The following IQCM variants were observed in gnomAD, a reference collection of about 807,000 sequenced individuals.
IQCM encodes IQ domain-containing protein M.
IQCM carries 45 observed loss-of-function variants against 57.6 expected under a neutral mutation model. The ratio of observed to expected loss-of-function variants is 0.78; its 90% CI spans 0.62 to 1.00. The LOEUF is 1.00. Ranked by LOEUF, IQCM falls within the 50% of genes least tolerant of loss-of-function variation. The pLI is 0.00. For synonymous variants in IQCM, 148 were observed against 158.9 expected, an observed-to-expected ratio of 0.93 and a Z score of 0.51; for missense variants, 468 against 511.6, an observed-to-expected ratio of 0.91 and a Z score of 0.82.
intron 12 of IQCM, among the ~76,000 whole-genome samples, chr4:149,478,447 T>A (rs1028997057): frequency 8.5e-5 from 13 of 152,136 alleles, no homozygotes; most frequent in African/African-American, 3.1e-4. Context: ...GATGCATGGG[T>A]CACTAACTCG....
At chr4:149,577,507 T>C (rs1194221316) in intron 9 of IQCM, among the ~76,000 whole-genome samples, 1 of 152,014 alleles carries the variant, frequency 6.6e-6, no homozygotes, top group Admixed American at 6.6e-5. Flanking sequence ...CCATTGCTTG[T>C]TATTGTTGGC....
intron 3 of IQCM, among the ~76,000 whole-genome samples, chr4:149,741,835 T>C (rs971878829): frequency 2.6e-4 from 40 of 152,292 alleles, no homozygotes; most frequent in Admixed American, 2.4e-3. Flanking sequence ...GAAAAAAAGC[T>C]AACTATGTGA....
chr4:149,566,666 T>A lies in IQCM; in HGVS notation c.750-2776A>T, dbSNP rs192145503. ...TAAAAAATAAGAAGAAATACAAGCA[T>A]GTTTACAAAATGATGAATGTGATTT... On this transcript the variant is annotated intron_variant, in intron 9 of 13. Coordinates refer to ENST00000636793, the MANE Select transcript of IQCM (RefSeq NM_001363507.2). Among the ~76,000 whole-genome samples, 8 of 152,276 alleles carry A rather than the reference T, an allele frequency of 5.3e-5. No homozygotes were observed. The East Asian group carries it at 1.5e-3, about 29-fold the overall frequency.
At chr4:149,618,643 G>GA (rs374492875) in intron 8 of IQCM, among the ~76,000 whole-genome samples, 15 of 149,928 alleles carry the variant, frequency 1.0e-4, no homozygotes, top group Middle Eastern at 3.4e-3. Flanking sequence ...ATGCAAACAA[G>GA]AAAAAAAAAT....
chr4:149,732,446 T>C (rs1352580259), intron 5 of IQCM, among the ~76,000 whole-genome samples: 1 of 152,172 alleles, frequency 6.6e-6, no homozygotes, highest in Non-Finnish European at 1.5e-5. Flanking sequence ...GTTTCCATAA[T>C]GCTTCACACT....
intron 7 of IQCM, among the ~76,000 whole-genome samples, chr4:149,664,091 A>G (rs1228691368): frequency 6.6e-6 from 1 of 152,016 alleles, no homozygotes; most frequent in East Asian, 1.9e-4. Context: ...GAAGCCCTCA[A>G]TGGTATTTTT....
At position 149,733,255 on chromosome 4, in the gene IQCM, A is replaced by G; in HGVS notation, c.374T>C (p.Leu125Pro). 1 of 1,231,730 alleles carries G rather than the reference A, an allele frequency of 8.1e-7. No individual in the cohort carries two copies. The highest frequency in any genetic ancestry group is 3.2e-5 in the East Asian group (1 of 31,690). The allele number at this position is 1,231,730 out of a possible 1,614,324, so 76.3% of individuals were successfully genotyped here. ...CACCAAAAACTTACCTTTTGTAATT[A>G]GATCTATGGGCCTGCATCTTTCTCT... ...SRRERCRPID[L>P]ITKGQVKLDK... is the part of the protein sequence containing the mutation. The change falls in exon 5 of 14, where the codon CTA (leucine) becomes CCA (proline). Residue 125 changes from leucine to proline, a missense_variant. Coordinates refer to ENST00000636793, the MANE Select transcript of IQCM (RefSeq NM_001363507.2).
chr4:149,593,174 T>C (rs953563465), intron 8 of IQCM, among the ~76,000 whole-genome samples: 14 of 152,162 alleles, frequency 9.2e-5, no homozygotes, highest in African/African-American at 2.4e-4. Flanking sequence ...GTCCTTCATA[T>C]CCCTTGTAAT....
At chr4:149,512,989 T>C (rs1560935133) in intron 12 of IQCM, among the ~76,000 whole-genome samples, 1 of 152,176 alleles carries the variant, frequency 6.6e-6, no homozygotes. Context: ...AGCTGTGTCC[T>C]AGATGCCATG....
At chr4:149,806,705 AAAT>A (rs1049473617) in intron 2 of IQCM, among the ~76,000 whole-genome samples, 48 of 152,118 alleles carry the variant, frequency 3.2e-4, no homozygotes, top group African/African-American at 1.1e-3. Context: ...AAAGGATCAA[AAAT>A]CTTATGACCT....
intron 7 of IQCM, among the ~76,000 whole-genome samples, chr4:149,648,176 C>T (rs906724829): frequency 2.0e-5 from 3 of 152,122 alleles, no homozygotes; most frequent in Admixed American, 6.6e-5. Flanking sequence ...CTAATCTTAT[C>T]ATTCCAATAT....
At chr4:149,754,189 G>A (rs763258907) in intron 2 of IQCM, among the ~76,000 whole-genome samples, 45 of 152,032 alleles carry the variant, frequency 3.0e-4, no homozygotes, top group Non-Finnish European at 6.2e-4. Context: ...CCTGTCTGAG[G>A]AGTCACACAG....
chr4:149,431,958 T>C (rs1734910308), intron 13 of IQCM, among the ~76,000 whole-genome samples: 1 of 151,058 alleles, frequency 6.6e-6, no homozygotes, highest in African/African-American at 2.4e-5. Flanking sequence ...TATGTGTATG[T>C]GTGTGTACGT....
intron 2 of IQCM, among the ~76,000 whole-genome samples, chr4:149,781,608 C>G (rs556167384): frequency 2.1e-4 from 32 of 152,142 alleles, no homozygotes; most frequent in South Asian, 1.7e-3. Context: ...TTTTTCTGTG[C>G]CTAACATATG....
At chr4:149,759,117 T>C (rs1769267558) in intron 2 of IQCM, among the ~76,000 whole-genome samples, 1 of 152,148 alleles carries the variant, frequency 6.6e-6, no homozygotes, top group Non-Finnish European at 1.5e-5. Flanking sequence ...TGAAAAGACA[T>C]GGAAGAAACT....
chr4:149,391,329 C>G (rs545496013), intron 13 of IQCM, among the ~76,000 whole-genome samples: 1 of 151,964 alleles, frequency 6.6e-6, no homozygotes, highest in South Asian at 2.1e-4. Context: ...TCTATAAGGT[C>G]AATAACAATA....
intron 4 of IQCM, 79 bp from the exon 5 acceptor site, chr4:149,733,587 A>G (rs977981691): frequency 5.4e-6 from 4 of 737,208 alleles, no homozygotes; most frequent in Non-Finnish European, 7.4e-6. Flanking sequence ...TATTTTATTA[A>G]TAAGTTCATG....
At chr4:149,644,836 A>T (rs1241923401) in intron 7 of IQCM, among the ~76,000 whole-genome samples, 1 of 152,220 alleles carries the variant, frequency 6.6e-6, no homozygotes, top group Non-Finnish European at 1.5e-5. Flanking sequence ...TGTGAATAGT[A>T]CGCAGAGAGA....
chr4:149,755,397 C>G (rs769986495), intron 2 of IQCM, among the ~76,000 whole-genome samples: 7 of 152,170 alleles, frequency 4.6e-5, no homozygotes, highest in Non-Finnish European at 1.0e-4. Flanking sequence ...CTCAATCCCT[C>G]TCCTGGAGCC....
Sources: allele counts gnomAD v4.1 joint callset (sites outside exome capture counted in the v4.1 genomes callset), GRCh38; gene constraint gnomAD v4.1.1; transcripts MANE v1.5; gene names NCBI Gene and HGNC (gene_info 2026-07-23, HGNC 2026-07-21).